The following RNF111 variants were observed in gnomAD, a reference collection of about 807,000 sequenced individuals.
RNF111 encodes the protein E3 ubiquitin-protein ligase Arkadia.
A neutral mutation model predicts 95.1 loss-of-function variants in RNF111; 17 were observed. That is an observed-to-expected ratio of 0.18 (90% CI 0.12 to 0.27). The LOEUF (loss-of-function observed/expected upper bound fraction) is 0.27, where lower values mean the gene tolerates loss of function less well. Ranked by LOEUF, RNF111 falls within the 10% of genes least tolerant of loss-of-function variation. The pLI is 1.00. For missense variants in RNF111, 1,189 were observed against 1,210.4 expected, an observed-to-expected ratio of 0.98 and a Z score of 0.26; for synonymous variants, 440 against 414.8, an observed-to-expected ratio of 1.06 and a Z score of -0.74.
chr15:59,066,744 G>C lies in RNF111; in HGVS notation c.1367-20G>C, dbSNP rs773111264. ...ATATTTCATGATTTGATTATTCTGT[G>C]CATTTTTTTCTGTTTCAAGATGACT... On this transcript the variant is annotated intron_variant, in intron 5 of 13. Transcript: ENST00000348370. 1.3e-6 allele frequency: 2 copies of C among 1,591,890 alleles called. No homozygotes were observed. Among genetic ancestry groups the C allele is most frequent in the Middle Eastern group, 1.7e-4 (1 of 5,992 alleles).
chr15:59,002,731 G>T (rs2039377548), intron 1 of RNF111, among the ~76,000 whole-genome samples: 1 of 152,170 alleles, frequency 6.6e-6, no homozygotes, highest in African/African-American at 2.4e-5. Flanking sequence ...GGCTCTACCT[G>T]ATCTGGCCCT....
intron 6 of RNF111, among the ~76,000 whole-genome samples, chr15:59,070,880 C>T (rs1181153144): frequency 6.6e-6 from 1 of 152,198 alleles, no homozygotes; most frequent in African/African-American, 2.4e-5. Flanking sequence ...TCCAGCCCCT[C>T]AGCTTCCAGT....
At chr15:59,053,527 G>T (rs1268357802) in intron 3 of RNF111, among the ~76,000 whole-genome samples, 4 of 152,188 alleles carry the variant, frequency 2.6e-5, no homozygotes, top group Non-Finnish European at 5.9e-5. Flanking sequence ...TTTTCCACTT[G>T]CCATTTTAGC....
At chr15:59,093,480 G>A in intron 13 of RNF111, 1 of 425,434 alleles carries the variant, frequency 2.4e-6, no homozygotes, top group Non-Finnish European at 4.6e-6. Flanking sequence ...CAAAATGCTG[G>A]GATTACAGGC....
At chr15:59,075,531 A>T (rs1329251583) in intron 6 of RNF111, among the ~76,000 whole-genome samples, 1 of 152,202 alleles carries the variant, frequency 6.6e-6, no homozygotes, top group African/African-American at 2.4e-5. Flanking sequence ...TAGAACCTTA[A>T]TATTTTCAGT....
At chr15:59,045,501 CT>C (rs1240858742) in intron 2 of RNF111, among the ~76,000 whole-genome samples, 1 of 152,008 alleles carries the variant, frequency 6.6e-6, no homozygotes, top group Non-Finnish European at 1.5e-5. Flanking sequence ...AGTTTTTCCT[CT>C]TTTTAAAAAC....
rs747092769 is a variant in RNF111 at position 59,081,246 on chromosome 15, G to A, written c.2259G>A (p.Arg753=). The change falls in exon 8 of 14, where the codon AGG becomes AGA. Residue 753 remains arginine, a synonymous_variant. Coordinates refer to ENST00000348370, the MANE Select transcript of RNF111 (RefSeq NM_017610.8). ...TGCATCCTCATGAAGTGATGCAGAG[G>A]ATGGAAGTTCAAAGGAGGAGGATGA... ...QRLHPHEVMQ[R]MEVQRRRMMQ... is the part of the protein sequence containing the mutation. 2.2e-5 allele frequency: 36 copies of A among 1,613,986 alleles called. No individual in the cohort carries two copies. The highest frequency in any genetic ancestry group is 2.9e-5 in the Non-Finnish European group (34 of 1,180,038).
At chr15:59,094,456 A>G (rs1441589905) in intron 13 of RNF111, among the ~76,000 whole-genome samples, 12 of 152,234 alleles carry the variant, frequency 7.9e-5, no homozygotes, top group Non-Finnish European at 1.5e-4. Flanking sequence ...TATATTTGCA[A>G]TATTATGTGA....
intron 8 of RNF111, 115 bp from the exon 9 acceptor site, chr15:59,084,014 G>T: frequency 2.6e-6 from 2 of 762,600 alleles, no homozygotes; most frequent in Non-Finnish European, 1.8e-6. Context: ...TTTATTTTAT[G>T]ACTAATCTAT....
intron 5 of RNF111, among the ~76,000 whole-genome samples, chr15:59,065,742 C>T (rs965584135): frequency 1.3e-5 from 2 of 152,152 alleles, no homozygotes; most frequent in Non-Finnish European, 2.9e-5. Context: ...CATGGTGGCT[C>T]ACGCCTGTAA....
intron 5 of RNF111, 112 bp downstream of exon 5, chr15:59,058,662 A>C: frequency 1.1e-6 from 1 of 929,824 alleles, no homozygotes; most frequent in Non-Finnish European, 1.7e-6. Flanking sequence ...GTATTCTTAC[A>C]TTATAATAAA....
At chr15:59,018,075 ATAGAC>A in intron 1 of RNF111, among the ~76,000 whole-genome samples, 1 of 152,214 alleles carries the variant, frequency 6.6e-6, no homozygotes, top group Admixed American at 6.5e-5. Flanking sequence ...TTGAGCTCTT[ATAGAC>A]TACTTTCCAT....
At chr15:59,040,559 A>T (rs1226568694) in intron 2 of RNF111, among the ~76,000 whole-genome samples, 7 of 152,276 alleles carry the variant, frequency 4.6e-5, no homozygotes, top group African/African-American at 1.7e-4. Context: ...TTGTTGTTTT[A>T]TATTTGTATT....
intron 1 of RNF111, among the ~76,000 whole-genome samples, chr15:59,019,369 G>C (rs1463222226): frequency 2.6e-5 from 4 of 152,038 alleles, no homozygotes; most frequent in Non-Finnish European, 5.9e-5. Flanking sequence ...GTTTTTAAAG[G>C]CCTGATATGT....
Position 58,992,762 on chromosome 15 carries a change from A to G in RNF111, c.-20+4694A>G, listed in dbSNP as rs1015005227. On this transcript the variant is annotated intron_variant, in intron 1 of 13. Coordinates refer to ENST00000348370, the MANE Select transcript of RNF111 (RefSeq NM_017610.8). ...TTGAGCCCGGGAGGCAGAGGTTGCA[A>G]TGAGCCGAGATTGTGCCACTGCATT... Among the ~76,000 whole-genome samples, 7 of 150,164 alleles carry G rather than the reference A, an allele frequency of 4.7e-5. No homozygotes were observed. In the East Asian group the frequency reaches 6.0e-4, roughly 13 times the overall value.
rs142850130 is a variant in RNF111 at position 59,029,833 on chromosome 15, GTTCA to G, written c.-19-965_-19-962del. Among the ~76,000 whole-genome samples the G allele has an allele frequency of 1.1e-3, 162 of 152,112 alleles. 1 individual carries two copies. In the East Asian group the frequency reaches 0.029, roughly 27 times the overall value. On this transcript the variant is annotated intron_variant, in intron 1 of 13. Coordinates refer to ENST00000348370, the MANE Select transcript of RNF111 (RefSeq NM_017610.8). Reference sequence around the variant, plus strand: ...ACATAGAGGTGTTCATTTTTTTAGTGTTCATTCATCTATAAACTTAGAATATGTG... The same window carrying G: ...ACATAGAGGTGTTCATTTTTTTAGTGTTCATCTATAAACTTAGAATATGTG...
intron 6 of RNF111, among the ~76,000 whole-genome samples, chr15:59,069,337 A>G (rs1014727654): frequency 8.5e-5 from 13 of 152,216 alleles, no homozygotes; most frequent in African/African-American, 3.1e-4. Flanking sequence ...ATTTGGTTAC[A>G]TGATGCTTCA....
chr15:59,075,699 A>C (rs2043135609), intron 6 of RNF111, among the ~76,000 whole-genome samples: 2 of 152,176 alleles, frequency 1.3e-5, no homozygotes, highest in Non-Finnish European at 2.9e-5. Context: ...TTGTGATAAA[A>C]TCTTATGCTT....
Position 59,090,135 on chromosome 15 carries a change from T to C in RNF111, c.2643+376T>C, listed in dbSNP as rs112339112. 4.9e-3 allele frequency among the ~76,000 whole-genome samples: 741 copies of C among 152,380 alleles called. 7 individuals are homozygous for C. Among genetic ancestry groups the C allele is most frequent in the African/African-American group, 0.017 (697 of 41,594 alleles). Reference sequence around the variant, plus strand: ...AAACTTAAGTAATTCCCTTTGTAGCTAAATGTCTTGTTTGAATTTTCAGGA... The same window carrying C: ...AAACTTAAGTAATTCCCTTTGTAGCCAAATGTCTTGTTTGAATTTTCAGGA... On this transcript the variant is annotated intron_variant, in intron 11 of 13. Transcript: ENST00000348370.
Sources: gnomAD v4.1 joint callset for allele counts (sites outside exome capture counted in the v4.1 genomes callset) on GRCh38, gnomAD v4.1.1 for gene constraint, MANE v1.5 for transcripts, NCBI Gene and HGNC (gene_info 2026-07-23, HGNC 2026-07-21) for gene names.